The following UPF1 variants were observed in gnomAD, a reference collection of about 807,000 sequenced individuals.
The protein encoded by UPF1 is regulator of nonsense transcripts 1.
Under a neutral mutation model 129.2 loss-of-function variants are expected in UPF1, and 9 were observed. The observed-to-expected ratio is 0.07, with a 90% CI of 0.04 to 0.12. The LOEUF (loss-of-function observed/expected upper bound fraction) is 0.12, where lower values mean the gene tolerates loss of function less well. UPF1 is among the 10% of genes least tolerant of loss of function. UPF1 has a pLI of 1.00. For missense variants in UPF1, 788 were observed against 1,525.3 expected, an observed-to-expected ratio of 0.52 and a Z score of 8.05; for synonymous variants, 649 against 644.9, an observed-to-expected ratio of 1.01 and a Z score of -0.10.
Position 18,863,626 on chromosome 19 carries a change from C to T in UPF1, c.2775+14C>T, listed in dbSNP as rs777862167. On this transcript the variant is annotated intron_variant, in intron 19 of 23. Transcript: ENST00000262803. ...ACTATCAACCCGGTGAGCGCCTGCA[C>T]AGGACAGCAGGGCAGCACGGAGAAA... The T allele has an allele frequency of 6.2e-7, 1 of 1,606,776 alleles. No individual in the cohort carries two copies. Among genetic ancestry groups the T allele is most frequent in the South Asian group, 1.1e-5 (1 of 90,952 alleles).
chr19:18,845,579 A>C (rs1180382805), intron 1 of UPF1, among the ~76,000 whole-genome samples: 1 of 152,064 alleles, frequency 6.6e-6, no homozygotes, highest in East Asian at 1.9e-4. Flanking sequence ...GCAGCTTCGT[A>C]GTGTTTGATG....
rs747088686 is a variant in UPF1 at position 18,865,798 on chromosome 19, G to A, written c.3237+20G>A. On this transcript the variant is annotated intron_variant, in intron 22 of 23. Transcript: ENST00000262803. The surrounding 1 kb of genome is among the most constrained non-coding windows in gnomAD (Gnocchi z 6.1). ...TCCCAGGTGAGCCCGCCCCTGGGAC[G>A]GGACTTACCTGAGTGAGGGTGGGGC... 62 of 1,611,464 alleles carry A rather than the reference G, an allele frequency of 3.8e-5. No homozygotes were observed. Among genetic ancestry groups the A allele is most frequent in the Middle Eastern group, 1.6e-4 (1 of 6,084 alleles).
chr19:18,861,089 A>C, intron 17 of UPF1, 107 bp downstream of exon 17: 1 of 1,423,242 alleles, frequency 7.0e-7, no homozygotes. Context: ...TGGAGCTCAG[A>C]ATGGCCCAGG....
At position 18,865,870 on chromosome 19, in the gene UPF1, G is replaced by A; in HGVS notation, c.3237+92G>A. On this transcript the variant is annotated intron_variant, in intron 22 of 23. Transcript: ENST00000262803. The surrounding 1 kb of genome is among the most constrained non-coding windows in gnomAD (Gnocchi z 6.1). ...CTGAAGAGCCCCAGAGAGCTGGCCT[G>A]GCCCATGTCCACTGTCTGAATTACC... 6.3e-7 allele frequency: 1 copy of A among 1,581,480 alleles called. No homozygotes were observed. Among genetic ancestry groups the A allele is most frequent in the Non-Finnish European group, 8.6e-7 (1 of 1,163,786 alleles).
chr19:18,842,358 GT>G (rs1334952855), intron 1 of UPF1, among the ~76,000 whole-genome samples: 1 of 152,144 alleles, frequency 6.6e-6, no homozygotes, highest in Non-Finnish European at 1.5e-5. Flanking sequence ...TGAGCCAGCT[GT>G]TTTGTGGGGA....
At chr19:18,838,810 G>T (rs1418396778) in intron 1 of UPF1, among the ~76,000 whole-genome samples, 1 of 152,198 alleles carries the variant, frequency 6.6e-6, no homozygotes, top group Non-Finnish European at 1.5e-5. Context: ...CTTACTGAGT[G>T]TGTTTTCAAA....
rs2055849109 is a variant in UPF1 at position 18,866,711 on chromosome 19, A to AGGAGCAGAG, written c.*200_*208dup. 1 of 152,566 alleles carries AGGAGCAGAG rather than the reference A, an allele frequency of 6.6e-6. No homozygotes were observed. The highest frequency in any genetic ancestry group is 1.5e-5 in the Non-Finnish European group (1 of 68,090). The allele number at this position is 152,566 out of a possible 1,614,324, so 9.5% of individuals were successfully genotyped here. ...CGCCCCCTGCTGGCCCGCGGCGGCG[A>AGGAGCAGAG]GGAGCAGAGGGAGCGGAGGAGGGGC... On this transcript the variant is annotated 3_prime_UTR_variant, in exon 24 of 24. Transcript: ENST00000262803.
chr19:18,842,088 C>A (rs2055547994), intron 1 of UPF1, among the ~76,000 whole-genome samples: 1 of 152,072 alleles, frequency 6.6e-6, no homozygotes. Context: ...CAGAGCAAGA[C>A]CCTGTCTCAA....
At chr19:18,843,493 C>A (rs1039684136) in intron 1 of UPF1, among the ~76,000 whole-genome samples, 2 of 146,274 alleles carry the variant, frequency 1.4e-5, no homozygotes, top group Non-Finnish European at 3.0e-5. Flanking sequence ...TGGTTTTCGT[C>A]TGTGGGAATG....
chr19:18,865,481 C>T lies in UPF1; in HGVS notation c.3019+31C>T. On this transcript the variant is annotated intron_variant, in intron 21 of 23. Transcript: ENST00000262803. This position sits in a 1 kb window ranked among gnomAD's most constrained non-coding sequence, Gnocchi z 6.1. The stretch of plus-strand genomic sequence containing the variant: ...CATCTGTGGCTGCGGCTGGGTGTGG[C>T]CCTCCTGAGAGCTCTTGAGGGTGTG... 3.7e-5 allele frequency: 59 copies of T among 1,611,494 alleles called. No homozygotes were observed. Among genetic ancestry groups the T allele is most frequent in the Non-Finnish European group, 4.9e-5 (58 of 1,178,108 alleles).
At position 18,853,318 on chromosome 19, in the gene UPF1, A is replaced by G. The variant is rs763386427; in HGVS notation, c.1124A>G (p.Lys375Arg). The change falls in exon 8 of 24, where the codon AAA becomes AGA. Residue 375 changes from lysine (K) to arginine (R), a missense_variant. Transcript: ENST00000262803. The surrounding 1 kb of genome is among the most constrained non-coding windows in gnomAD (Gnocchi z 4.4). The part of the protein sequence containing the change: ...RYKGDLAPLW[K>R]GIGHVIKVPD... ...AAAGGGGACCTTGCGCCCCTGTGGAAAGGGATCGGCCACGTCATCAAGGTC... is the reference window on the plus strand; with the variant it reads ...AAAGGGGACCTTGCGCCCCTGTGGAGAGGGATCGGCCACGTCATCAAGGTC... 1.2e-6 allele frequency: 2 copies of G among 1,612,974 alleles called. No individual in the cohort carries two copies. Among genetic ancestry groups the G allele is most frequent in the Non-Finnish European group, 1.7e-6 (2 of 1,179,256 alleles).
At chr19:18,855,516 T>A in intron 11 of UPF1, 1 of 546,120 alleles carries the variant, frequency 1.8e-6, no homozygotes. Context: ...CGGCACTTTA[T>A]AGTGTGGCGG....
chr19:18,840,325 A>G (rs1488758220), intron 1 of UPF1, among the ~76,000 whole-genome samples: 2 of 152,166 alleles, frequency 1.3e-5, no homozygotes, highest in African/African-American at 4.8e-5. Context: ...GGAGCCACAG[A>G]CTTAAAAAGC....
intron 8 of UPF1, 70 bp from the exon 9 acceptor site, chr19:18,854,531 G>A (rs781024577): frequency 4.1e-5 from 51 of 1,230,404 alleles, no homozygotes; most frequent in Admixed American, 6.1e-5. Context: ...TTTAAAGAGC[G>A]TGTACCAAGG....
chr19:18,865,690 C>T lies in UPF1; in HGVS notation c.3149C>T (p.Ser1050Phe). Reference protein sequence around the residue: ...ASQDVASQPFSQGALTQGYIS... With the variant: ...ASQDVASQPFFQGALTQGYIS... ...CAGGATGTGGCGTCACAGCCCTTCT[C>T]TCAGGGCGCCCTGACGCAGGGCTAC... is the stretch of plus-strand genomic sequence containing the variant. The change falls in exon 22 of 24, where the codon TCT becomes TTT. Residue 1050 changes from serine (S) to phenylalanine (F), a missense_variant. Around this residue, in one of 6 missense-constraint regions of UPF1, gnomAD observed 218 missense variants for 318.1 expected, o/e 0.69. Coordinates refer to ENST00000262803, the MANE Select transcript of UPF1 (RefSeq NM_002911.4). This position sits in a 1 kb window ranked among gnomAD's most constrained non-coding sequence, Gnocchi z 6.1. The T allele has an allele frequency of 6.2e-7, 1 of 1,613,874 alleles. No individual in the cohort carries two copies. Among genetic ancestry groups the T allele is most frequent in the East Asian group, 2.2e-5 (1 of 44,872 alleles).
intron 1 of UPF1, among the ~76,000 whole-genome samples, chr19:18,835,531 C>T (rs904040524): frequency 2.6e-5 from 4 of 152,064 alleles, no homozygotes; most frequent in Admixed American, 2.0e-4. Context: ...TTAGTAGAGA[C>T]GGGGTTTCAC....
In UPF1 at chr19:18,860,314, C is replaced by T. The variant is rs766671065; in HGVS notation, c.2183-7C>T. 1.2e-6 allele frequency: 2 copies of T among 1,613,158 alleles called. No homozygotes were observed. The highest frequency in any genetic ancestry group is 8.5e-7 in the Non-Finnish European group (1 of 1,179,264). On this transcript the variant is annotated splice_polypyrimidine_tract_variant and splice_region_variant and intron_variant, in intron 15 of 23. Coordinates refer to ENST00000262803, the MANE Select transcript of UPF1 (RefSeq NM_002911.4). ...TTGAAGTGTTACTTCTTTCCCTCCC[C>T]TCACAGCGGATCGTGTGAAGAAGGG...
In UPF1 at chr19:18,850,050, A is replaced by G. The variant is rs1350811839; in HGVS notation, c.462-25A>G. 6.2e-7 allele frequency: 1 copy of G among 1,613,856 alleles called. No individual in the cohort carries two copies. The highest frequency in any genetic ancestry group is 8.5e-7 in the Non-Finnish European group (1 of 1,179,912). ...GTGAAAAGCCAAATTTTGGGTGTTA[A>G]CCGTTTATCATTTCCTGGTTTCAGC... On this transcript the variant is annotated intron_variant, in intron 3 of 23. Transcript: ENST00000262803. This position sits in a 1 kb window ranked among gnomAD's most constrained non-coding sequence, Gnocchi z 7.1.
chr19:18,852,254 C>G lies in UPF1; in HGVS notation c.930C>G (p.Val310=). ...ACCAGAACATATTCGGGCCCCTGGT[C>G]AAGCTGGAGGCCGACTACGACAAGA... ...YQYQNIFGPL[V]KLEADYDKKL... is the part of the protein sequence containing the mutation. The change falls in exon 6 of 24, where the codon GTC becomes GTG. Residue 310 remains valine (V), a synonymous_variant. Transcript: ENST00000262803. 2 of 1,613,752 alleles carry G rather than the reference C, an allele frequency of 1.2e-6. No homozygotes were observed. The highest frequency in any genetic ancestry group is 1.7e-6 in the Non-Finnish European group (2 of 1,179,810).
Sources: allele counts gnomAD v4.1 joint callset (sites outside exome capture counted in the v4.1 genomes callset), GRCh38; gene constraint gnomAD v4.1.1; regional missense constraint gnomAD v4.1.1; non-coding constraint Gnocchi (gnomAD v3.1); transcripts MANE v1.5; gene names NCBI Gene and HGNC (gene_info 2026-07-23, HGNC 2026-07-21).